MYH1: variants seen among roughly 807,000 people sequenced by gnomAD.
MYH1 encodes the protein myosin heavy chain 1.
In MYH1, 214 loss-of-function variants were observed where a neutral mutation model predicts 225.6. The observed-to-expected ratio is 0.95, with a 90% CI of 0.85 to 1.06. The LOEUF is 1.06. Ranked by LOEUF, MYH1 falls within the 50% of genes least tolerant of loss-of-function variation. The pLI is 0.00. For missense variants in MYH1, 2,098 were observed against 2,344.2 expected, an observed-to-expected ratio of 0.89 and a Z score of 2.17; for synonymous variants, 774 against 842.3, an observed-to-expected ratio of 0.92 and a Z score of 1.40.
chr17:10,497,129 T>A lies in MYH1; in HGVS notation c.4596A>T (p.Lys1532Asn), dbSNP rs1356653143. Residue 1532 changes from lysine (K) to asparagine (N), a missense_variant, in exon 33 of 40, where the codon AAA (lysine) becomes AAT (asparagine). Lys to Asn is a moderately conservative substitution (Grantham distance 94). Coordinates refer to ENST00000226207, the MANE Select transcript of MYH1 (RefSeq NM_005963.4). Reference sequence around the variant, plus strand: ...TTTCTTGCTCAACTTGCTTCTTTATTTTTTCCAGTTCATGGATGCGCTTTC... The same window carrying A: ...TTTCTTGCTCAACTTGCTTCTTTATATTTTCCAGTTCATGGATGCGCTTTC... Reference protein sequence around the residue: ...EGGKRIHELEKIKKQVEQEKS... With the variant: ...EGGKRIHELENIKKQVEQEKS... 1 of 1,614,144 alleles carries A rather than the reference T, an allele frequency of 6.2e-7. No homozygotes were observed. Among genetic ancestry groups the A allele is most frequent in the South Asian group, 1.1e-5 (1 of 91,078 alleles).
rs766766037 is a variant in MYH1 at position 10,497,046 on chromosome 17, A to G, written c.4656+23T>C. 2.5e-6 allele frequency: 4 copies of G among 1,607,816 alleles called. No homozygotes were observed. The Admixed American group carries it at 6.9e-5, about 28-fold the overall frequency. On this transcript the variant is annotated intron_variant, in intron 33 of 39. Transcript: ENST00000226207. The stretch of plus-strand genomic sequence containing the variant: ...CCCCAATTCCTCTTCTAATTGTTTT[A>G]GAGTATGCAATAAAATGCTTACCTC...
chr17:10,496,255 G>A lies in MYH1; in HGVS notation c.4951C>T (p.Gln1651Ter), dbSNP rs752038031. 56 of 1,614,034 alleles carry A rather than the reference G, an allele frequency of 3.5e-5. No homozygotes were observed. The highest frequency in any genetic ancestry group is 1.5e-4 in the Admixed American group (9 of 60,004). ...GACATATTTACCTTGAGGATGGCTT[G>A]GGTGTTCCTATAGTTCCTCAGGGCC... The part of the protein sequence containing the change: ...AEALRNYRNT[Q>*]AILKDTQLHL... Residue 1651 changes from glutamine (Q) to a stop codon, truncating the protein, a stop_gained, in exon 34 of 40, where the codon CAA (glutamine) becomes TAA (stop). Coordinates refer to ENST00000226207, the MANE Select transcript of MYH1 (RefSeq NM_005963.4). LOFTEE classifies it high-confidence loss of function.
At position 10,514,073 on chromosome 17, in the gene MYH1, G is replaced by T. The variant is rs767917291; in HGVS notation, c.585C>A (p.Tyr195Ter). Reference sequence around the variant, plus strand: ...CCCCAGTAACTGCAATTGTTGCAAAGTACTGGATGACACGCTTGGTGTTCA... The same window carrying T: ...CCCCAGTAACTGCAATTGTTGCAAATTACTGGATGACACGCTTGGTGTTCA... ...KTVNTKRVIQ[Y>*]FATIAVTGEK... The change falls in exon 7 of 40, where the codon TAC becomes TAA. Residue 195 changes from tyrosine (Y) to a stop codon, truncating the protein, a stop_gained. Transcript: ENST00000226207. LOFTEE classifies it high-confidence loss of function. 1.9e-6 allele frequency: 3 copies of T among 1,614,182 alleles called. No homozygotes were observed. In the South Asian group the frequency reaches 3.3e-5, roughly 18 times the overall value.
At position 10,516,253 on chromosome 17, in the gene MYH1, G is replaced by A. The variant is rs61739660; in HGVS notation, c.294C>T (p.His98=). ...TGAGGTTGTACAGCACAGCAGGCTC[G>A]TGTAGATGAGTCATCATGGCCATGT... ...IEDMAMMTHL[H]EPAVLYNLKE... Residue 98 remains histidine, a synonymous_variant, in exon 4 of 40, where the codon CAC becomes CAT. Coordinates refer to ENST00000226207, the MANE Select transcript of MYH1 (RefSeq NM_005963.4). The A allele has an allele frequency of 2.9e-4, 461 of 1,614,184 alleles. No homozygotes were observed. The African/African-American group carries it at 5.1e-3, about 18-fold the overall frequency.
Position 10,504,974 on chromosome 17 carries a change from G to A in MYH1, c.2527C>T (p.Leu843Phe), listed in dbSNP as rs557826774. Residue 843 changes from leucine (L) to phenylalanine (F), a missense_variant, in exon 22 of 40, where the codon CTC becomes TTC. By Grantham distance (22) the Leu-to-Phe change is conservative. Transcript: ENST00000226207. The part of the protein sequence containing the change: ...WMKLYFKIKP[L>F]LKSAETEKEM... ...TTCTCTGTCTCTGCACTTTTGAGGAGGGGTTTGATCTTGAAATACAGCTTC... is the reference window on the plus strand; with the variant it reads ...TTCTCTGTCTCTGCACTTTTGAGGAAGGGTTTGATCTTGAAATACAGCTTC... 12 of 1,614,130 alleles carry A rather than the reference G, an allele frequency of 7.4e-6. No homozygotes were observed. Among genetic ancestry groups the A allele is most frequent in the Admixed American group, 3.3e-5 (2 of 60,024 alleles).
In MYH1 at chr17:10,499,088, T is replaced by C. The variant is rs540148907; in HGVS notation, c.3870A>G (p.Glu1290=). 3 of 1,610,538 alleles carry C rather than the reference T, an allele frequency of 1.9e-6. No homozygotes were observed. In the South Asian group the frequency reaches 3.3e-5, roughly 18 times the overall value. ...CCTTTTCATCTAGCTGGCGTGAATA[T>C]TCACCTGTAAAAGACCAAGTCCAGA... ...QRARLQTESG[E]YSRQLDEKDT... is the part of the protein sequence containing the mutation. Residue 1290 remains glutamate, a synonymous_variant, in exon 29 of 40, where the codon GAA becomes GAG. Transcript: ENST00000226207.
intron 9 of MYH1, 147 bp downstream of exon 9, chr17:10,513,479 G>T: frequency 2.6e-6 from 2 of 773,640 alleles, no homozygotes; most frequent in Non-Finnish European, 4.3e-6. Flanking sequence ...CATACTGTGG[G>T]CTATGGATAA....
Position 10,492,409 on chromosome 17 carries a change from A to G in MYH1, c.*7T>C. 1.2e-6 allele frequency: 2 copies of G among 1,613,426 alleles called. No homozygotes were observed. Among genetic ancestry groups the G allele is most frequent in the Non-Finnish European group, 1.7e-6 (2 of 1,179,750 alleles). On this transcript the variant is annotated 3_prime_UTR_variant, in exon 40 of 40. Coordinates refer to ENST00000226207, the MANE Select transcript of MYH1 (RefSeq NM_005963.4). ...TTTCTTTGGTCACCTTTCAGCAGTT[A>G]GATAAATTACTCTTCACTTATGATT...
chr17:10,498,731 G>T lies in MYH1; in HGVS notation c.4076C>A (p.Ala1359Asp). 1 of 1,614,120 alleles carries T rather than the reference G, an allele frequency of 6.2e-7. No homozygotes were observed. Among genetic ancestry groups the T allele is most frequent in the Non-Finnish European group, 8.5e-7 (1 of 1,179,980 alleles). Residue 1359 changes from alanine (A) to aspartate (D), a missense_variant, in exon 30 of 40, where the codon GCC (alanine) becomes GAC (aspartate). Physicochemically the swap from Ala to Asp is moderately radical, Grantham distance 126. Coordinates refer to ENST00000226207, the MANE Select transcript of MYH1 (RefSeq NM_005963.4). ...CTTGGACATTGCTCTCTGTAGCTCGGCCTTGGCTTCCTGCTCCTCCTCATA... is the reference window on the plus strand; with the variant it reads ...CTTGGACATTGCTCTCTGTAGCTCGTCCTTGGCTTCCTGCTCCTCCTCATA... ...EQYEEEQEAK[A>D]ELQRAMSKAN...
chr17:10,499,871 C>T (rs1230790724), intron 28 of MYH1, among the ~76,000 whole-genome samples: 1 of 152,278 alleles, frequency 6.6e-6, no homozygotes, highest in Middle Eastern at 3.4e-3. Flanking sequence ...CTGCCTATTA[C>T]TTTAATAGCC....
chr17:10,499,157 T>C, intron 28 of MYH1, 65 bp from the exon 29 acceptor site: 1 of 1,443,426 alleles, frequency 6.9e-7, no homozygotes, highest in Non-Finnish European at 9.7e-7. Flanking sequence ...AAATAAAAAC[T>C]TGAGCAGGGA....
At chr17:10,518,466 G>T (rs2073251445) in intron 1 of MYH1, 54 bp downstream of exon 1, 1 of 152,220 alleles carries the variant, frequency 6.6e-6, no homozygotes, top group Non-Finnish European at 1.5e-5. Context: ...CACGCGGGCA[G>T]CCAGACATCC....
Position 10,512,098 on chromosome 17 carries a change from G to T in MYH1, c.1242C>A (p.Val414=), listed in dbSNP as rs753932810. Residue 414 remains valine, a synonymous_variant, in exon 13 of 40, where the codon GTC becomes GTA. Coordinates refer to ENST00000226207, the MANE Select transcript of MYH1 (RefSeq NM_005963.4). ...YPRVKVGNEY[V]TKGQTVQQVY... ...CCTGCTGCACAGTTTGACCTTTGGT[G>T]ACATACTCATTGCCGACCTTGACCC... The T allele has an allele frequency of 1.9e-6, 3 of 1,614,046 alleles. No homozygotes were observed. The highest frequency in any genetic ancestry group is 2.5e-6 in the Non-Finnish European group (3 of 1,180,022).
chr17:10,498,758 T>A lies in MYH1; in HGVS notation c.4049A>T (p.Gln1350Leu), dbSNP rs779794149. Residue 1350 changes from glutamine to leucine, a missense_variant, in exon 30 of 40, where the codon CAG becomes CTG. Physicochemically the swap from Gln to Leu is moderately radical, Grantham distance 113. Transcript: ENST00000226207. ...CTTGGCTTCCTGCTCCTCCTCATAC[T>A]GTTCCCGCAGCAGGTCACAGTCATG... is the stretch of plus-strand genomic sequence containing the variant. ...SRHDCDLLRE[Q>L]YEEEQEAKAE... 5.0e-6 allele frequency: 8 copies of A among 1,614,210 alleles called. No individual in the cohort carries two copies. The highest frequency in any genetic ancestry group is 6.8e-6 in the Non-Finnish European group (8 of 1,180,016).
At position 10,512,688 on chromosome 17, in the gene MYH1, G is replaced by A. The variant is rs1162587703; in HGVS notation, c.1001C>T (p.Ala334Val). 2 of 1,613,492 alleles carry A rather than the reference G, an allele frequency of 1.2e-6. No homozygotes were observed. The highest frequency in any genetic ancestry group is 1.7e-5 in the Admixed American group (1 of 60,004). Reference sequence around the variant, plus strand: ...AATTCATGTATAACTTACATCTGTAGCCATCAACTCTTCTTGGTCATCAAT... The same window carrying A: ...AATTCATGTATAACTTACATCTGTAACCATCAACTCTTCTTGGTCATCAAT... ...PSIDDQEELM[A>V]TDSAIEILGF... The change falls in exon 11 of 40, where the codon GCT becomes GTT. Residue 334 changes from alanine to valine, a missense_variant. Ala to Val is a moderately conservative substitution (Grantham distance 64). Coordinates refer to ENST00000226207, the MANE Select transcript of MYH1 (RefSeq NM_005963.4).
chr17:10,502,407 CTCT>C (rs776613888), intron 24 of MYH1, among the ~76,000 whole-genome samples: 1 of 152,210 alleles, frequency 6.6e-6, no homozygotes, highest in Non-Finnish European at 1.5e-5. Flanking sequence ...AACACCCTCC[CTCT>C]TCTTTCTTTT....
chr17:10,510,123 C>G lies in MYH1; in HGVS notation c.1417-468G>C, dbSNP rs528939799. ...GACACAGCTTACCTATGTCGCAAAC[C>G]TTCACATGGACCCCTGAACTTAAAA... On this transcript the variant is annotated intron_variant, in intron 14 of 39. Coordinates refer to ENST00000226207, the MANE Select transcript of MYH1 (RefSeq NM_005963.4). Among the ~76,000 whole-genome samples, 7 of 151,850 alleles carry G rather than the reference C, an allele frequency of 4.6e-5. No individual in the cohort carries two copies. The South Asian group carries it at 1.5e-3, about 32-fold the overall frequency.
At chr17:10,504,646 T>C (rs945068875) in intron 22 of MYH1, among the ~76,000 whole-genome samples, 164 bp downstream of exon 22, 4 of 152,342 alleles carry the variant, frequency 2.6e-5, no homozygotes, top group African/African-American at 9.6e-5. Flanking sequence ...CACAGTGATT[T>C]TTAGTAATAT....
chr17:10,512,539 A>G lies in MYH1; in HGVS notation c.1016T>C (p.Ile339Thr). 5.0e-6 allele frequency: 8 copies of G among 1,614,132 alleles called. No individual in the cohort carries two copies. In the African/African-American group the frequency reaches 5.3e-5, roughly 11 times the overall value. Residue 339 changes from isoleucine (I) to threonine (T), a missense_variant, in exon 12 of 40, where the codon ATT becomes ACT. By Grantham distance (89) the Ile-to-Thr change is moderately conservative. Coordinates refer to ENST00000226207, the MANE Select transcript of MYH1 (RefSeq NM_005963.4). ...ATCTGAAGTAAAGCCCAGAATTTCAATGGCACTCTACCATGAGAGATGAGA... is the reference window on the plus strand; with the variant it reads ...ATCTGAAGTAAAGCCCAGAATTTCAGTGGCACTCTACCATGAGAGATGAGA... ...QEELMATDSA[I>T]EILGFTSDER...
Sources: allele counts gnomAD v4.1 joint callset (sites outside exome capture counted in the v4.1 genomes callset), GRCh38; gene constraint gnomAD v4.1.1; transcripts MANE v1.5; gene names NCBI Gene and HGNC (gene_info 2026-07-23, HGNC 2026-07-21).